Variants in CTNNA3 observed in about 807,000 individuals in gnomAD.
CTNNA3 encodes the protein catenin alpha 3.
Under a neutral mutation model 95.7 loss-of-function variants are expected in CTNNA3, and 76 were observed. The ratio of observed to expected loss-of-function variants is 0.79; its 90% CI spans 0.66 to 0.96. CTNNA3 has a LOEUF of 0.96. Among genes scored for constraint, CTNNA3 ranks in the 40% least tolerant of loss-of-function variants. CTNNA3 has a pLI of 0.00. For missense variants in CTNNA3, 1,191 were observed against 1,089.8 expected, an observed-to-expected ratio of 1.09 and a Z score of -1.31; for synonymous variants, 431 against 374.4, an observed-to-expected ratio of 1.15 and a Z score of -1.74.
Position 67,669,332 on chromosome 10 carries a change from G to C in CTNNA3, c.-5-21814C>G, listed in dbSNP as rs1840389242. On this transcript the variant is annotated intron_variant, in intron 1 of 17. Transcript: ENST00000433211. ...ACTTTGGAGAAAAATTATGCCTAGA[G>C]ATACAGATATAGTAACCTGTCCATC... Among the ~76,000 whole-genome samples, 5 of 152,102 alleles carry C rather than the reference G, an allele frequency of 3.3e-5. No individual in the cohort carries two copies. In the South Asian group the frequency reaches 1.0e-3, roughly 31 times the overall value.
At chr10:67,433,516 C>T (rs1280319237) in intron 5 of CTNNA3, among the ~76,000 whole-genome samples, 1 of 152,176 alleles carries the variant, frequency 6.6e-6, no homozygotes, top group East Asian at 1.9e-4. Flanking sequence ...TGCCACAAAC[C>T]TTCTATCTGT....
chr10:66,404,777 T>C (rs1302014753), intron 11 of CTNNA3, among the ~76,000 whole-genome samples: 13 of 118,774 alleles, frequency 1.1e-4, no homozygotes, highest in Non-Finnish European at 2.1e-4. Flanking sequence ...AGGTTTTTCC[T>C]GTGGGTTTTT....
At chr10:67,182,792 A>G (rs1383641884) in intron 6 of CTNNA3, among the ~76,000 whole-genome samples, 2 of 152,158 alleles carry the variant, frequency 1.3e-5, no homozygotes, top group Non-Finnish European at 2.9e-5. Context: ...CTACTCATGT[A>G]ACAAAGGGCT....
intron 13 of CTNNA3, among the ~76,000 whole-genome samples, chr10:66,111,635 T>G (rs2082123464): frequency 6.6e-6 from 1 of 152,186 alleles, no homozygotes; most frequent in South Asian, 2.1e-4. Context: ...TAGATGGAGA[T>G]GAAAGATATT....
At chr10:66,296,971 T>A (rs1314578875) in intron 12 of CTNNA3, among the ~76,000 whole-genome samples, 1 of 152,220 alleles carries the variant, frequency 6.6e-6, no homozygotes, top group Non-Finnish European at 1.5e-5. Context: ...TAGTAACGAC[T>A]GTTTTTCTTT....
chr10:66,980,777 T>C (rs1032671441), intron 7 of CTNNA3, among the ~76,000 whole-genome samples: 2 of 152,226 alleles, frequency 1.3e-5, no homozygotes, highest in African/African-American at 4.8e-5. Flanking sequence ...ACAACCTTCA[T>C]GTACAAGAGT....
Position 66,672,988 on chromosome 10 carries a change from A to G in CTNNA3, c.1282-51204T>C, listed in dbSNP as rs1366932476. Among the ~76,000 whole-genome samples, 7 of 152,232 alleles carry G rather than the reference A, an allele frequency of 4.6e-5. No individual in the cohort carries two copies. The East Asian group carries it at 1.3e-3, about 29-fold the overall frequency. Reference sequence around the variant, plus strand: ...ATATTTGAATAATTTTCTCAAAGCCATATGGATGTTAGTTGCAAATCCAGA... The same window carrying G: ...ATATTTGAATAATTTTCTCAAAGCCGTATGGATGTTAGTTGCAAATCCAGA... On this transcript the variant is annotated intron_variant, in intron 9 of 17. Transcript: ENST00000433211.
At chr10:66,595,745 T>A (rs185358927) in intron 10 of CTNNA3, among the ~76,000 whole-genome samples, 1 of 152,160 alleles carries the variant, frequency 6.6e-6, no homozygotes, top group African/African-American at 2.4e-5. Context: ...CAAATGATCC[T>A]CCCCCCTTAG....
intron 17 of CTNNA3, among the ~76,000 whole-genome samples, chr10:65,957,033 G>A (rs887674233): frequency 6.6e-6 from 1 of 152,152 alleles, no homozygotes; most frequent in Non-Finnish European, 1.5e-5. Flanking sequence ...AAGTCTCTTT[G>A]TAGGTCTCTA....
chr10:66,497,278 T>C (rs766788973), intron 11 of CTNNA3, among the ~76,000 whole-genome samples: 1 of 151,958 alleles, frequency 6.6e-6, no homozygotes, highest in African/African-American at 2.4e-5. Flanking sequence ...ATAAAAGTTA[T>C]AGTGCACAGT....
chr10:67,166,684 C>T (rs1052767316), intron 7 of CTNNA3, among the ~76,000 whole-genome samples: 4 of 152,342 alleles, frequency 2.6e-5, no homozygotes, highest in African/African-American at 7.2e-5. Flanking sequence ...CTATTCCCTA[C>T]ATTTGTTGTT....
At chr10:67,547,297 G>GA (rs1224598105) in intron 3 of CTNNA3, among the ~76,000 whole-genome samples, 2 of 151,860 alleles carry the variant, frequency 1.3e-5, no homozygotes, top group African/African-American at 4.8e-5. Context: ...AGTTCTCTGA[G>GA]AAAAAATGAA....
chr10:67,109,535 T>C (rs965030129), intron 7 of CTNNA3, among the ~76,000 whole-genome samples: 3 of 152,180 alleles, frequency 2.0e-5, no homozygotes, highest in African/African-American at 7.2e-5. Flanking sequence ...AGGCATAGTT[T>C]TCTGATTTTC....
intron 1 of CTNNA3, among the ~76,000 whole-genome samples, chr10:67,660,505 C>T (rs1286090837): frequency 6.6e-6 from 1 of 152,132 alleles, no homozygotes; most frequent in African/African-American, 2.4e-5. Flanking sequence ...AAGCCACAAA[C>T]ACTCATCTTC....
At chr10:67,587,240 T>TGTGG (rs150012239) in intron 3 of CTNNA3, among the ~76,000 whole-genome samples, 3 of 146,530 alleles carry the variant, frequency 2.0e-5, no homozygotes, top group African/African-American at 5.0e-5. Flanking sequence ...TGTGTGTGTG[T>TGTGG]GTAGAGCCAG....
At chr10:67,016,317 T>A (rs1283618814) in intron 7 of CTNNA3, among the ~76,000 whole-genome samples, 1 of 152,226 alleles carries the variant, frequency 6.6e-6, no homozygotes, top group African/African-American at 2.4e-5. Context: ...AACTCAAACA[T>A]CTTCTTTCCA....
intron 7 of CTNNA3, among the ~76,000 whole-genome samples, chr10:66,996,987 T>C (rs1171231681): frequency 1.3e-5 from 2 of 152,156 alleles, no homozygotes; most frequent in Non-Finnish European, 2.9e-5. Context: ...ATGCAAAAGA[T>C]AATCAAGAAT....
chr10:67,531,331 C>T (rs539038932), intron 4 of CTNNA3, among the ~76,000 whole-genome samples: 5 of 152,284 alleles, frequency 3.3e-5, no homozygotes, highest in African/African-American at 4.8e-5. Flanking sequence ...GGCTGTATCC[C>T]GCAAAGCCAC....
intron 3 of CTNNA3, among the ~76,000 whole-genome samples, chr10:67,595,550 C>A (rs1842912441): frequency 6.6e-6 from 1 of 152,206 alleles, no homozygotes; most frequent in South Asian, 2.1e-4. Flanking sequence ...TGCTTTATAG[C>A]TGAGCATTTG....
Sources: allele counts gnomAD v4.1 joint callset (sites outside exome capture counted in the v4.1 genomes callset), GRCh38; gene constraint gnomAD v4.1.1; transcripts MANE v1.5; gene names NCBI Gene and HGNC (gene_info 2026-07-23, HGNC 2026-07-21).